ERBB4: variants seen among roughly 807,000 people sequenced by gnomAD.
The protein encoded by ERBB4 is receptor tyrosine-protein kinase erbB-4.
ERBB4 carries 42 observed loss-of-function variants against 158.0 expected under a neutral mutation model. The observed-to-expected ratio is 0.27, with a 90% confidence interval of 0.21 to 0.34. ERBB4 has a LOEUF of 0.34. Ranked by LOEUF, ERBB4 falls within the 10% of genes least tolerant of loss-of-function variation. ERBB4 has a pLI of 1.00. For missense variants in ERBB4, 1,333 were observed against 1,624.1 expected (o/e 0.82, Z 3.08); for synonymous variants, 583 against 558.7 (o/e 1.04, Z -0.61).
chr2:211,801,969 T>C (rs998040322), intron 3 of ERBB4, among the ~76,000 whole-genome samples: 3 of 152,108 alleles, frequency 2.0e-5, no homozygotes, highest in Non-Finnish European at 4.4e-5. Flanking sequence ...AGCATAAAAC[T>C]GGAATACAGG....
intron 1 of ERBB4, among the ~76,000 whole-genome samples, chr2:212,330,832 C>T (rs2088104402): frequency 6.6e-6 from 1 of 151,052 alleles, no homozygotes. Flanking sequence ...GCAAATATTC[C>T]TAGGAACTAG....
intron 1 of ERBB4, among the ~76,000 whole-genome samples, chr2:212,241,941 T>C (rs1223117294): frequency 2.0e-5 from 3 of 151,940 alleles, no homozygotes; most frequent in African/African-American, 7.2e-5. Context: ...TCAACACAAA[T>C]GAGTCCACTA....
intron 2 of ERBB4, among the ~76,000 whole-genome samples, chr2:211,978,393 TCTGTCTA>T (rs2081685848): frequency 8.1e-6 from 1 of 123,550 alleles, no homozygotes; most frequent in Non-Finnish European, 1.8e-5. Context: ...TGTCTGTCTG[TCTGTCTA>T]TCTATCTATC....
At chr2:211,671,872 TA>T (rs1454299472) in intron 14 of ERBB4, among the ~76,000 whole-genome samples, 2 of 152,180 alleles carry the variant, frequency 1.3e-5, no homozygotes, top group African/African-American at 4.8e-5. Flanking sequence ...CACTGTTAGT[TA>T]ATTGTATTTT....
chr2:211,832,889 T>TTATA (rs36118572), intron 3 of ERBB4, among the ~76,000 whole-genome samples: 1 of 149,172 alleles, frequency 6.7e-6, no homozygotes, highest in Admixed American at 6.7e-5. Context: ...TATATATAGT[T>TTATA]TATATATATG....
At chr2:212,069,246 T>C (rs928271923) in intron 2 of ERBB4, among the ~76,000 whole-genome samples, 2 of 152,112 alleles carry the variant, frequency 1.3e-5, no homozygotes, top group Admixed American at 6.6e-5. Context: ...CCAAGTGTGA[T>C]TGATCCCAGG....
intron 3 of ERBB4, among the ~76,000 whole-genome samples, chr2:211,797,364 C>T (rs528331786): frequency 5.2e-4 from 79 of 152,030 alleles, no homozygotes; most frequent in African/African-American, 1.9e-3. Context: ...TTTCAAATAT[C>T]TCACCCACTA....
intron 20 of ERBB4, among the ~76,000 whole-genome samples, chr2:211,462,890 T>C (rs1219302854): frequency 6.6e-6 from 1 of 152,200 alleles, no homozygotes; most frequent in African/African-American, 2.4e-5. Context: ...AGCTATACTT[T>C]ATAGTTTCTC....
chr2:212,163,743 TATTAATGCC>T (rs1262024816), intron 1 of ERBB4, among the ~76,000 whole-genome samples: 1 of 152,006 alleles, frequency 6.6e-6, no homozygotes, highest in Non-Finnish European at 1.5e-5. Context: ...TCCAGATCAG[TATTAATGCC>T]ATATTTTTAG....
chr2:211,507,220 A>G (rs2065774236), intron 20 of ERBB4, among the ~76,000 whole-genome samples: 1 of 152,116 alleles, frequency 6.6e-6, no homozygotes, highest in Non-Finnish European at 1.5e-5. Flanking sequence ...GTAATAAAAA[A>G]CATCTTTCAT....
intron 3 of ERBB4, among the ~76,000 whole-genome samples, chr2:211,922,879 CTGTTTAGTATATTCTGGGAATGAAAGAG>C (rs1224936823): frequency 2.0e-5 from 3 of 152,090 alleles, no homozygotes; most frequent in African/African-American, 2.4e-5. Flanking sequence ...AAGGTATATT[CTGTTTAGTATATTCTGGGAATGAAAGAG>C]TGTTTAGTAT....
intron 3 of ERBB4, among the ~76,000 whole-genome samples, chr2:211,837,143 A>G (rs1169784889): frequency 1.3e-5 from 2 of 152,148 alleles, no homozygotes; most frequent in African/African-American, 4.8e-5. Flanking sequence ...TTAAAATTCT[A>G]TAATTCCATA....
At chr2:212,280,243 T>C (rs2085703415) in intron 1 of ERBB4, among the ~76,000 whole-genome samples, 1 of 151,654 alleles carries the variant, frequency 6.6e-6, no homozygotes, top group South Asian at 2.1e-4. Context: ...AGGCAATTTT[T>C]GCTAGTAGAA....
intron 25 of ERBB4, among the ~76,000 whole-genome samples, 181 bp from the exon 26 acceptor site, chr2:211,388,173 TTA>T (rs1377615737): frequency 2.0e-5 from 3 of 152,316 alleles, no homozygotes; most frequent in Non-Finnish European, 2.9e-5. Context: ...GCAAGCTTAT[TTA>T]TATGTTTTGA....
chr2:211,841,080 C>T (rs2077459723), intron 3 of ERBB4, among the ~76,000 whole-genome samples: 1 of 151,934 alleles, frequency 6.6e-6, no homozygotes, highest in Admixed American at 6.6e-5. Flanking sequence ...CTAATTTGAA[C>T]ATTGAAAATT....
intron 2 of ERBB4, among the ~76,000 whole-genome samples, chr2:212,012,009 T>C (rs1437123735): frequency 6.6e-6 from 1 of 152,212 alleles, no homozygotes; most frequent in Non-Finnish European, 1.5e-5. Flanking sequence ...CCGTGAAGAA[T>C]AAATTTATAC....
chr2:211,413,622 A>G (rs561741852), intron 25 of ERBB4, among the ~76,000 whole-genome samples: 3 of 152,112 alleles, frequency 2.0e-5, no homozygotes, highest in East Asian at 1.9e-4. Flanking sequence ...TTCTCGCACT[A>G]TATCATTTAG....
chr2:212,045,006 T>C (rs887545582), intron 2 of ERBB4, among the ~76,000 whole-genome samples: 1 of 152,162 alleles, frequency 6.6e-6, no homozygotes, highest in Non-Finnish European at 1.5e-5. Flanking sequence ...GTTAACATAA[T>C]AGCCATCAAA....
intron 2 of ERBB4, chr2:212,124,464 C>A: frequency 4.9e-6 from 2 of 410,616 alleles, no homozygotes; most frequent in Non-Finnish European, 9.2e-6. Flanking sequence ...TAGTTCACAG[C>A]TTGTCAGAAA....
Sources: gnomAD v4.1 joint callset for allele counts (sites outside exome capture counted in the v4.1 genomes callset) on GRCh38, gnomAD v4.1.1 for gene constraint, MANE v1.5 for transcripts, NCBI Gene and HGNC (gene_info 2026-07-23, HGNC 2026-07-21) for gene names.